Variants in SNTG1 observed in about 807,000 individuals in gnomAD.
SNTG1 encodes the protein gamma-1-syntrophin.
SNTG1 carries 39 observed loss-of-function variants against 74.7 expected under a neutral mutation model. That is an observed-to-expected ratio of 0.52 (90% CI 0.40 to 0.68). The LOEUF (loss-of-function observed/expected upper bound fraction) is 0.68. Among genes scored for constraint, SNTG1 ranks in the 30% least tolerant of loss-of-function variants. The probability of loss-of-function intolerance (pLI) is 0.00; values close to 1 mark genes in which losing one functional copy is unlikely to be tolerated. For missense variants in SNTG1, 685 were observed against 609.5 expected (o/e 1.12, Z -1.30); for synonymous variants, 254 against 217.1 (o/e 1.17, Z -1.49).
chr8:50,756,712 A>G (rs1041418383), intron 18 of SNTG1, among the ~76,000 whole-genome samples: 1 of 151,522 alleles, frequency 6.6e-6, no homozygotes, highest in African/African-American at 2.4e-5. Context: ...TAATCCTTCA[A>G]CTTTGATCTT....
intron 8 of SNTG1, among the ~76,000 whole-genome samples, chr8:50,493,364 C>T (rs1431818416): frequency 6.6e-6 from 1 of 152,126 alleles, no homozygotes; most frequent in Admixed American, 6.6e-5. Flanking sequence ...GACTTCAAAC[C>T]GTTTAGGAAA....
At chr8:50,157,280 T>G (rs2082282160) in intron 1 of SNTG1, among the ~76,000 whole-genome samples, 1 of 152,128 alleles carries the variant, frequency 6.6e-6, no homozygotes, top group Admixed American at 6.5e-5. Context: ...ATCAGAAGAG[T>G]GACTGTGCCT....
intron 15 of SNTG1, among the ~76,000 whole-genome samples, chr8:50,683,992 G>A (rs1456521441): frequency 6.6e-6 from 1 of 152,146 alleles, no homozygotes. Flanking sequence ...TTTTCAAAAA[G>A]GAAGACTGGA....
chr8:50,099,274 C>T (rs2080039123), intron 1 of SNTG1, among the ~76,000 whole-genome samples: 1 of 152,022 alleles, frequency 6.6e-6, no homozygotes, highest in South Asian at 2.1e-4. Context: ...TTAAACAGAA[C>T]CCAGATATTC....
At chr8:50,653,974 G>A (rs896700095) in intron 13 of SNTG1, among the ~76,000 whole-genome samples, 1 of 151,264 alleles carries the variant, frequency 6.6e-6, no homozygotes, top group Admixed American at 6.6e-5. Context: ...TAATGTACAC[G>A]TTTTTTTTTC....
intron 18 of SNTG1, among the ~76,000 whole-genome samples, chr8:50,764,783 A>G (rs1249557379): frequency 6.6e-6 from 1 of 151,964 alleles, no homozygotes; most frequent in Non-Finnish European, 1.5e-5. Flanking sequence ...CTGAGTATAT[A>G]TGCAAATGAT....
At chr8:50,194,284 T>C (rs2083683113) in intron 2 of SNTG1, among the ~76,000 whole-genome samples, 1 of 152,282 alleles carries the variant, frequency 6.6e-6, no homozygotes, top group South Asian at 2.1e-4. Context: ...AATTCTGCTG[T>C]GAATCCATCT....
At chr8:50,323,269 G>A (rs1301060499) in intron 2 of SNTG1, among the ~76,000 whole-genome samples, 1 of 151,976 alleles carries the variant, frequency 6.6e-6, no homozygotes, top group Non-Finnish European at 1.5e-5. Context: ...AATTTCCTCA[G>A]GTTCCCTCAA....
chr8:50,514,090 C>T (rs527756868), intron 9 of SNTG1, among the ~76,000 whole-genome samples: 9 of 152,272 alleles, frequency 5.9e-5, no homozygotes, highest in African/African-American at 1.9e-4. Context: ...TTTTTATTTG[C>T]ATATTTTACT....
In SNTG1 at chr8:50,330,383, TG is replaced by T. The variant is rs889411994; in HGVS notation, c.-27-63828del. On this transcript the variant is annotated intron_variant, in intron 2 of 18. Transcript: ENST00000642720. ...TTTATAAATTAACCAGTGTCAGGTTTGTCTTTATTTGCAGCATGAGAACAGA... is the reference window on the plus strand; with the variant it reads ...TTTATAAATTAACCAGTGTCAGGTTTTCTTTATTTGCAGCATGAGAACAGA... Among the ~76,000 whole-genome samples the T allele has an allele frequency of 4.5e-4, 69 of 152,280 alleles. 1 individual carries two copies. The highest frequency in any genetic ancestry group is 1.6e-3 in the African/African-American group (68 of 41,560).
intron 2 of SNTG1, among the ~76,000 whole-genome samples, chr8:50,388,466 A>T (rs1006236106): frequency 2.0e-5 from 3 of 152,196 alleles, no homozygotes; most frequent in Non-Finnish European, 4.4e-5. Context: ...TACAGAATCA[A>T]TTCCTGAAAC....
At chr8:50,218,532 A>C (rs947752889) in intron 2 of SNTG1, among the ~76,000 whole-genome samples, 1 of 152,118 alleles carries the variant, frequency 6.6e-6, no homozygotes, top group Non-Finnish European at 1.5e-5. Flanking sequence ...AGTGCTTAAT[A>C]ATCAGTATTA....
intron 18 of SNTG1, among the ~76,000 whole-genome samples, chr8:50,769,803 CTTATT>C (rs1263319535): frequency 6.6e-6 from 1 of 151,964 alleles, no homozygotes; most frequent in Non-Finnish European, 1.5e-5. Flanking sequence ...ATACAAATCT[CTTATT>C]TTATTTACAT....
At chr8:50,224,307 C>T (rs1263092172) in intron 2 of SNTG1, among the ~76,000 whole-genome samples, 1 of 152,152 alleles carries the variant, frequency 6.6e-6, no homozygotes, top group African/African-American at 2.4e-5. Context: ...TTTTCAAGCA[C>T]TATCATACTT....
At chr8:50,380,839 G>T (rs906416764) in intron 2 of SNTG1, among the ~76,000 whole-genome samples, 3 of 152,136 alleles carry the variant, frequency 2.0e-5, no homozygotes, top group African/African-American at 7.2e-5. Flanking sequence ...TAATTTCTGA[G>T]TGTTAGATTT....
In SNTG1 at chr8:50,282,687, A is replaced by G. The variant is rs562627666; in HGVS notation, c.-28+110052A>G. ...AGGCTGAGGCAGGAGAATCACTTGA[A>G]CCCAGGAGGCGGAGGTTGCAGTGAG... On this transcript the variant is annotated intron_variant, in intron 2 of 18. Transcript: ENST00000642720. Among the ~76,000 whole-genome samples the G allele has an allele frequency of 1.1e-3, 164 of 152,134 alleles. 1 individual carries two copies. Among genetic ancestry groups the G allele is most frequent in the Middle Eastern group, 3.4e-3 (1 of 294 alleles).
intron 8 of SNTG1, among the ~76,000 whole-genome samples, chr8:50,469,567 C>T (rs2093635339): frequency 6.6e-6 from 1 of 152,178 alleles, no homozygotes; most frequent in African/African-American, 2.4e-5. Context: ...GCCCCCACTC[C>T]CCCACTTTTG....
chr8:50,773,287 A>G (rs1416114751), intron 18 of SNTG1, among the ~76,000 whole-genome samples: 1 of 152,160 alleles, frequency 6.6e-6, no homozygotes, highest in Admixed American at 6.6e-5. Flanking sequence ...AGGGTCTTTT[A>G]GAAGCTCCAA....
At chr8:50,403,681 T>C (rs1235569617) in intron 4 of SNTG1, among the ~76,000 whole-genome samples, 1 of 152,106 alleles carries the variant, frequency 6.6e-6, no homozygotes, top group East Asian at 1.9e-4. Context: ...AAGCTCAGAG[T>C]GCTAGGAATA....
Sources: allele counts gnomAD v4.1 joint callset (sites outside exome capture counted in the v4.1 genomes callset), GRCh38; gene constraint gnomAD v4.1.1; transcripts MANE v1.5; gene names NCBI Gene and HGNC (gene_info 2026-07-23, HGNC 2026-07-21).